Variants in HSPA12A observed in about 807,000 individuals in gnomAD.
HSPA12A encodes heat shock 70 kDa protein 12A.
HSPA12A carries 28 observed loss-of-function variants against 69.2 expected under a neutral mutation model. That is an observed-to-expected ratio of 0.40 (90% CI 0.30 to 0.55). HSPA12A has a LOEUF of 0.55. Ranked by LOEUF, HSPA12A falls within the 20% of genes least tolerant of loss-of-function variation. The pLI is 0.38. For missense variants in HSPA12A, 686 were observed against 900.7 expected (o/e 0.76, Z 3.05); for synonymous variants, 345 against 370.5 (o/e 0.93, Z 0.79).
At chr10:116,792,937 A>T (rs1438684680) in intron 2 of HSPA12A, among the ~76,000 whole-genome samples, 1 of 152,218 alleles carries the variant, frequency 6.6e-6, no homozygotes, top group Non-Finnish European at 1.5e-5. Flanking sequence ...CTCAGAAAGA[A>T]AATATAGATA....
chr10:116,773,481 C>G (rs1418942362), intron 2 of HSPA12A, among the ~76,000 whole-genome samples: 1 of 152,220 alleles, frequency 6.6e-6, no homozygotes, highest in Non-Finnish European at 1.5e-5. Context: ...TTCGCAGCTC[C>G]CAGCGGGTTT....
intron 1 of HSPA12A, among the ~76,000 whole-genome samples, chr10:116,713,080 A>AT (rs1337054926): frequency 5.0e-4 from 44 of 87,322 alleles, no homozygotes; most frequent in African/African-American, 1.1e-3. Context: ...AAATCAGGCT[A>AT]TTTAAAAAAA....
intron 2 of HSPA12A, among the ~76,000 whole-genome samples, chr10:116,789,977 G>A (rs1419047837): frequency 1.3e-5 from 2 of 151,824 alleles, no homozygotes; most frequent in Admixed American, 1.3e-4. Context: ...GCCAGTGAGA[G>A]CCTTCACCAG....
At chr10:116,788,271 C>G (rs372099642) in intron 2 of HSPA12A, among the ~76,000 whole-genome samples, 1 of 152,072 alleles carries the variant, frequency 6.6e-6, no homozygotes, top group Non-Finnish European at 1.5e-5. Flanking sequence ...GAACTGCGCC[C>G]AGGTCCATAG....
chr10:116,739,039 T>C lies in HSPA12A; in HGVS notation c.40+3391A>G, dbSNP rs541022840. On this transcript the variant is annotated intron_variant, in intron 1 of 11. Transcript: ENST00000369209. The stretch of plus-strand genomic sequence containing the variant: ...TTTGGGGGCTATAACCAGCGCCCTG[T>C]CACTACCATCTACAGCTTGGTGGCT... Among the ~76,000 whole-genome samples the C allele has an allele frequency of 1.3e-3, 192 of 152,322 alleles. 3 individuals are homozygous for C. Among genetic ancestry groups the C allele is most frequent in the Non-Finnish European group, 2.0e-3 (133 of 68,034 alleles).
In HSPA12A at chr10:116,766,656, C is replaced by G. The variant is rs536835746; in HGVS notation, c.92-59371G>C. Among the ~76,000 whole-genome samples the G allele has an allele frequency of 2.0e-5, 3 of 152,132 alleles. No individual in the cohort carries two copies. In the East Asian group the frequency reaches 5.8e-4, roughly 29 times the overall value. On this transcript the variant is annotated intron_variant, in intron 2 of 12. Coordinates refer to the HSPA12A transcript ENST00000635765. ...AAATTAACCCAGATTGTCATTTCCT[C>G]CCCACAATTCAATCAGCTTGGCATG...
intron 6 of HSPA12A, among the ~76,000 whole-genome samples, chr10:116,685,073 C>A (rs1849538329): frequency 6.6e-6 from 1 of 152,224 alleles, no homozygotes; most frequent in Admixed American, 6.5e-5. Flanking sequence ...CACTTCATCC[C>A]TGCCACTGCC....
At chr10:116,748,499 A>C (rs369828780) in intron 2 of HSPA12A, among the ~76,000 whole-genome samples, 1 of 152,194 alleles carries the variant, frequency 6.6e-6, no homozygotes, top group African/African-American at 2.4e-5. Flanking sequence ...CTTCTGCAAG[A>C]GTGAGCCCAA....
chr10:116,827,615 G>A (rs564328672), intron 2 of HSPA12A: 1 of 152,322 alleles, frequency 6.6e-6, no homozygotes, highest in Non-Finnish European at 1.5e-5. Flanking sequence ...CGCAGGGCCA[G>A]CGCAGTGGTG....
chr10:116,693,490 T>C (rs1415379662), intron 5 of HSPA12A, among the ~76,000 whole-genome samples: 2 of 152,220 alleles, frequency 1.3e-5, no homozygotes, highest in Admixed American at 6.5e-5. Flanking sequence ...CAAAGACCTC[T>C]GATAAATGCC....
intron 2 of HSPA12A, among the ~76,000 whole-genome samples, chr10:116,774,876 G>C (rs1236393507): frequency 6.6e-6 from 1 of 152,278 alleles, no homozygotes; most frequent in East Asian, 1.9e-4. Context: ...TCCTGCACCA[G>C]CCCCTCGTGT....
intron 1 of HSPA12A, among the ~76,000 whole-genome samples, chr10:116,741,402 C>A (rs1398263431): frequency 6.6e-6 from 1 of 152,256 alleles, no homozygotes; most frequent in Non-Finnish European, 1.5e-5. Flanking sequence ...CCCTTGCGTC[C>A]CGGCATTTTA....
chr10:116,821,151 C>G (rs1845403816), intron 2 of HSPA12A, among the ~76,000 whole-genome samples: 1 of 152,182 alleles, frequency 6.6e-6, no homozygotes. Flanking sequence ...CCTTTGGGAT[C>G]TTTCAAAAAT....
At chr10:116,690,416 CA>C (rs1263020272) in intron 6 of HSPA12A, among the ~76,000 whole-genome samples, 2 of 152,150 alleles carry the variant, frequency 1.3e-5, no homozygotes, top group African/African-American at 4.8e-5. Flanking sequence ...ACAAAAAAAG[CA>C]ATTGAATGAT....
At chr10:116,841,938 A>G (rs1845808802) in intron 1 of HSPA12A, among the ~76,000 whole-genome samples, 1 of 152,206 alleles carries the variant, frequency 6.6e-6, no homozygotes, top group Non-Finnish European at 1.5e-5. Flanking sequence ...ATTAACGTAA[A>G]GTCAAGGCCT....
intron 2 of HSPA12A, among the ~76,000 whole-genome samples, chr10:116,825,523 A>T (rs1163814351): frequency 6.6e-6 from 1 of 152,146 alleles, no homozygotes; most frequent in Non-Finnish European, 1.5e-5. Context: ...AAACAAACAA[A>T]CAAACAAAGT....
In HSPA12A at chr10:116,675,363, G is replaced by A. The variant is rs782735093; in HGVS notation, c.1446C>T (p.Gly482=). The change falls in exon 12 of 12, where the codon GGC becomes GGT. Residue 482 remains glycine (G), a synonymous_variant. Transcript: ENST00000369209. The surrounding 1 kb of genome is among the most constrained non-coding windows in gnomAD (Gnocchi z 5.2). ...VSTVKFLFLV[G]GFAEAPLLQQ... The stretch of plus-strand genomic sequence containing the variant: ...GCAGCAGGGGCGCCTCGGCAAAGCC[G>A]CCCACCAGAAAGAGGAACTTGACGG... 19 of 1,610,718 alleles carry A rather than the reference G, an allele frequency of 1.2e-5. No individual in the cohort carries two copies. Among genetic ancestry groups the A allele is most frequent in the Middle Eastern group, 3.3e-4 (2 of 6,068 alleles).
At chr10:116,813,715 T>TA (rs1162457682) in intron 2 of HSPA12A, among the ~76,000 whole-genome samples, 1 of 148,676 alleles carries the variant, frequency 6.7e-6, no homozygotes, top group East Asian at 2.1e-4. Flanking sequence ...CCTCCCTCTC[T>TA]ACAAAAAAAA....
intron 2 of HSPA12A, among the ~76,000 whole-genome samples, chr10:116,802,639 A>T (rs928544385): frequency 1.1e-4 from 16 of 152,332 alleles, no homozygotes; most frequent in African/African-American, 3.8e-4. Flanking sequence ...GGGAGACGCC[A>T]GGGTGAGTGC....
Sources: gnomAD v4.1 joint callset for allele counts (sites outside exome capture counted in the v4.1 genomes callset) on GRCh38, gnomAD v4.1.1 for gene constraint, Gnocchi (gnomAD v3.1) non-coding constraint, MANE v1.5 for transcripts, NCBI Gene and HGNC (gene_info 2026-07-23, HGNC 2026-07-21) for gene names.